ZNF70: variants seen among roughly 807,000 people sequenced by gnomAD.
ZNF70 encodes zinc finger protein 70, also known as zinc finger protein N27C7-1.
ZNF70 carries 18 observed loss-of-function variants against 37.7 expected under a neutral mutation model. That is an observed-to-expected ratio of 0.48 (90% CI 0.33 to 0.71). ZNF70 has a LOEUF of 0.71. ZNF70 is among the 30% of genes least tolerant of loss of function. The pLI, the probability that ZNF70 is intolerant of heterozygous loss-of-function variation, is 0.02. For synonymous variants in ZNF70, 219 were observed against 220.1 expected (o/e 0.99, Z 0.05); for missense variants, 506 against 568.6 (o/e 0.89, Z 1.12).
intron 1 of ZNF70, among the ~76,000 whole-genome samples, chr22:23,749,131 G>A (rs1022499445): frequency 2.6e-4 from 40 of 151,626 alleles, no homozygotes; most frequent in Non-Finnish European, 4.6e-4. Context: ...GGGAGGCCGA[G>A]GTGGGTGGAT....
rs180738594 is a variant in ZNF70, at chr22:23,747,359, G to A, written c.-79-2140C>T. ...GAACCCTATCGTAAACTGTGCATAC[G>A]AGGGATTTGGTTGTGCACTCTTTAT... is the stretch of plus-strand genomic sequence containing the variant. On this transcript the variant is annotated intron_variant, in intron 1 of 1. Transcript: ENST00000341976. Among the ~76,000 whole-genome samples, 39 of 152,232 alleles carry A rather than the reference G, an allele frequency of 2.6e-4. No homozygotes were observed. The East Asian group carries it at 5.0e-3, about 20-fold the overall frequency.
intron 1 of ZNF70, among the ~76,000 whole-genome samples, chr22:23,750,433 C>T (rs1925284442): frequency 6.6e-6 from 1 of 152,060 alleles, no homozygotes; most frequent in Non-Finnish European, 1.5e-5. Flanking sequence ...CTTTGAGCTA[C>T]CCCCCAACCC....
chr22:23,744,305 G>A lies in ZNF70; in HGVS notation c.836C>T (p.Pro279Leu), dbSNP rs751745972. The A allele has an allele frequency of 6.2e-7, 1 of 1,614,156 alleles. No homozygotes were observed. The highest frequency in any genetic ancestry group is 8.5e-7 in the Non-Finnish European group (1 of 1,180,020). ...TTTCCCACAGAGATCGCACTCGTGA[G>A]GTTTCTTTAGGGTGTGGATCTTCCG... ...QHRKIHTLKK[P>L]HECDLCGKAF... The change falls in exon 2 of 2, where the codon CCT (proline) becomes CTT (leucine). Residue 279 changes from proline to leucine, a missense_variant. By Grantham distance (98) the Pro-to-Leu change is moderately conservative. Coordinates refer to ENST00000341976, the MANE Select transcript of ZNF70 (RefSeq NM_021916.4).
rs1419918749 is a variant in ZNF70 at position 23,744,106 on chromosome 22, G to A, written c.1035C>T (p.Phe345=). 3 of 1,613,994 alleles carry A rather than the reference G, an allele frequency of 1.9e-6. No homozygotes were observed. The highest frequency in any genetic ancestry group is 2.2e-5 in the East Asian group (1 of 44,884). The change falls in exon 2 of 2, where the codon TTC becomes TTT. Residue 345 remains phenylalanine, a synonymous_variant. Coordinates refer to ENST00000341976, the MANE Select transcript of ZNF70 (RefSeq NM_021916.4). The part of the protein sequence containing the change: ...PYKCQKCGKA[F]SQSSSLIEHQ... Reference sequence around the variant, plus strand: ...GCTCAATGAGGGAGGAGCTCTGGCTGAAGGCTTTCCCACACTTCTGGCATT... The same window carrying A: ...GCTCAATGAGGGAGGAGCTCTGGCTAAAGGCTTTCCCACACTTCTGGCATT...
In ZNF70 at chr22:23,743,794, C is replaced by T. The variant is rs966839184; in HGVS notation, c.*6G>A. The T allele has an allele frequency of 1.9e-6, 3 of 1,608,208 alleles. No homozygotes were observed. Among genetic ancestry groups the T allele is most frequent in the Non-Finnish European group, 2.5e-6 (3 of 1,176,772 alleles). On this transcript the variant is annotated 3_prime_UTR_variant, in exon 2 of 2. Transcript: ENST00000341976. ...AGGCTTTCAAGCTTTGTGTGGGCTC[C>T]TCTTTCTATAGCTTCTCCCCAGAAT... is the stretch of plus-strand genomic sequence containing the variant.
intron 1 of ZNF70, among the ~76,000 whole-genome samples, chr22:23,747,127 T>C (rs1161810210): frequency 3.3e-5 from 5 of 152,186 alleles, no homozygotes; most frequent in Non-Finnish European, 7.3e-5. Context: ...GAACTGTCAC[T>C]TTTTTTGGTC....
Position 23,744,653 on chromosome 22 carries a change from G to C in ZNF70, c.488C>G (p.Thr163Ser). 1 of 1,614,120 alleles carries C rather than the reference G, an allele frequency of 6.2e-7. No homozygotes were observed. Among genetic ancestry groups the C allele is most frequent in the Non-Finnish European group, 8.5e-7 (1 of 1,179,992 alleles). ...ACAGCACTCATAGGGCTTCTCCCCA[G>C]TGTGGATCACCAGGTGTCGGAGCAG... ...SHLLRHLVIH[T>S]GEKPYECCEC... Residue 163 changes from threonine to serine, a missense_variant, in exon 2 of 2, where the codon ACT becomes AGT. Physicochemically the swap from Thr to Ser is moderately conservative, Grantham distance 58 (BLOSUM62 1). Coordinates refer to ENST00000341976, the MANE Select transcript of ZNF70 (RefSeq NM_021916.4).
intron 1 of ZNF70, 47 bp from the exon 2 acceptor site, chr22:23,745,266 T>A: frequency 2.1e-6 from 2 of 967,456 alleles, no homozygotes; most frequent in South Asian, 1.6e-5. Flanking sequence ...GTCAAGCAGC[T>A]CATATGTGCC....
At chr22:23,749,249 T>C (rs899286370) in intron 1 of ZNF70, among the ~76,000 whole-genome samples, 1 of 146,232 alleles carries the variant, frequency 6.8e-6, no homozygotes, top group African/African-American at 2.5e-5. Context: ...TCCGGGAGGC[T>C]GAGGCAGGAG....
Position 23,744,568 on chromosome 22 carries a change from G to A in ZNF70, c.573C>T (p.Thr191=), listed in dbSNP as rs757094433. 60 of 1,611,352 alleles carry A rather than the reference G, an allele frequency of 3.7e-5. No individual in the cohort carries two copies. The highest frequency in any genetic ancestry group is 3.3e-4 in the Middle Eastern group (2 of 6,036). Residue 191 remains threonine (T), a synonymous_variant, in exon 2 of 2, where the codon ACC becomes ACT. Coordinates refer to ENST00000341976, the MANE Select transcript of ZNF70 (RefSeq NM_021916.4). ...CCCGGCACTCGTAGGGCTTCTCCCC[G>A]GTGTGGATGATCTGGTGCCTGAGCA... The part of the protein sequence containing the change: ...SHLLRHQIIH[T]GEKPYECREC...
chr22:23,745,185 GTTC>G lies in ZNF70; in HGVS notation c.-48_-46del, dbSNP rs763150999. 43 of 1,568,676 alleles carry G rather than the reference GTTC, an allele frequency of 2.7e-5. No individual in the cohort carries two copies. In the African/African-American group the frequency reaches 4.9e-4, roughly 18 times the overall value. On this transcript the variant is annotated 5_prime_UTR_variant, in exon 2 of 2. Coordinates refer to ENST00000341976, the MANE Select transcript of ZNF70 (RefSeq NM_021916.4). ...CCAATGGTTGTATTTCTTTAAAAAT[GTTC>G]TTCTTTGGGCCACACTTACTGTTCT...
At chr22:23,746,498 T>A (rs1925127801) in intron 1 of ZNF70, among the ~76,000 whole-genome samples, 1 of 151,978 alleles carries the variant, frequency 6.6e-6, no homozygotes, top group Non-Finnish European at 1.5e-5. Flanking sequence ...TGAGCCACCA[T>A]GCCTGGCCTG....
chr22:23,749,527 C>CAAA (rs61374101), intron 1 of ZNF70, among the ~76,000 whole-genome samples: 2,232 of 24,088 alleles, frequency 0.093, 463 homozygotes, highest in Non-Finnish European at 0.1. Context: ...GACTCCGTCT[C>CAAA]AAAAAAAAAA....
chr22:23,745,287 C>A, intron 1 of ZNF70, 68 bp from the exon 2 acceptor site: 1 of 784,680 alleles, frequency 1.3e-6, no homozygotes, highest in African/African-American at 1.7e-5. Flanking sequence ...TGCTTCATAT[C>A]CTAGAATCTA....
In ZNF70 at chr22:23,746,771, T is replaced by C. The variant is rs528799835; in HGVS notation, c.-79-1552A>G. Among the ~76,000 whole-genome samples the C allele has an allele frequency of 3.6e-4, 55 of 152,232 alleles. No individual in the cohort carries two copies. In the South Asian group the frequency reaches 0.011, roughly 30 times the overall value. ...TGCTAATTTTTTTAATTCTTTCTTTTTGTAGAGATGAGGTCACACTGTATT... is the reference window on the plus strand; with the variant it reads ...TGCTAATTTTTTTAATTCTTTCTTTCTGTAGAGATGAGGTCACACTGTATT... On this transcript the variant is annotated intron_variant, in intron 1 of 1. Coordinates refer to ENST00000341976, the MANE Select transcript of ZNF70 (RefSeq NM_021916.4).
In ZNF70 at chr22:23,743,789, G is replaced by C. The variant is rs138600065; in HGVS notation, c.*11C>G. ...GGCACAGGCTTTCAAGCTTTGTGTG[G>C]GCTCCTCTTTCTATAGCTTCTCCCC... On this transcript the variant is annotated 3_prime_UTR_variant, in exon 2 of 2. Transcript: ENST00000341976. The C allele has an allele frequency of 1.4e-3, 2,236 of 1,606,034 alleles. 16 individuals are homozygous for C. The African/African-American group carries it at 0.019, about 14-fold the overall frequency.
chr22:23,748,774 A>C (rs562073643), intron 1 of ZNF70, among the ~76,000 whole-genome samples: 3 of 150,612 alleles, frequency 2.0e-5, no homozygotes, highest in Non-Finnish European at 3.0e-5. Flanking sequence ...CGAACTCCTG[A>C]CCTCAGGTGA....
chr22:23,750,550 C>A (rs1308925131), intron 1 of ZNF70, among the ~76,000 whole-genome samples, 161 bp downstream of exon 1: 2 of 152,100 alleles, frequency 1.3e-5, no homozygotes, highest in East Asian at 3.9e-4. Flanking sequence ...TCCTGGTGTT[C>A]TCAAACTTCC....
At chr22:23,745,752 C>T (rs1177493262) in intron 1 of ZNF70, among the ~76,000 whole-genome samples, 2 of 151,996 alleles carry the variant, frequency 1.3e-5, no homozygotes, top group Non-Finnish European at 2.9e-5. Context: ...ACGTGGGCAA[C>T]AAAGCGAGAC....
Sources: gnomAD v4.1 joint callset for allele counts (sites outside exome capture counted in the v4.1 genomes callset) on GRCh38, gnomAD v4.1.1 for gene constraint, MANE v1.5 for transcripts, NCBI Gene and HGNC (gene_info 2026-07-23, HGNC 2026-07-21) for gene names.